Variants in DOCK5 observed in about 807,000 individuals in gnomAD.
DOCK5 encodes dedicator of cytokinesis 5.
DOCK5 carries 142 observed loss-of-function variants against 251.8 expected under a neutral mutation model. The ratio of observed to expected loss-of-function variants is 0.56; its 90% CI spans 0.49 to 0.65. The LOEUF is 0.65. DOCK5 is among the 30% of genes least tolerant of loss of function. DOCK5 has a pLI of 0.00. For missense variants in DOCK5, 2,111 were observed against 2,312.3 expected (o/e 0.91, Z 1.79); for synonymous variants, 842 against 835.5 (o/e 1.01, Z -0.13).
chr8:25,391,630 T>G (rs1332169969), intron 42 of DOCK5, among the ~76,000 whole-genome samples: 1 of 151,956 alleles, frequency 6.6e-6, no homozygotes, highest in African/African-American at 2.4e-5. Flanking sequence ...AGAGTTAGAC[T>G]CTGACTCAAA....
intron 27 of DOCK5, among the ~76,000 whole-genome samples, chr8:25,354,027 TAA>T (rs1291938160): frequency 1.3e-4 from 1 of 7,756 alleles, no homozygotes; most frequent in African/African-American, 2.0e-4. Context: ...GACTTTGTCT[TAA>T]AAAAAAAAAA....
In DOCK5 at chr8:25,184,768, A is replaced by C. The variant is rs1801384103; in HGVS notation, c.-141A>C. ...CACGGGCGCGGGCGGCGCGGCGAGG[A>C]GGCGGCCCGCGGAGTCCAGCGAAGT... On this transcript the variant is annotated 5_prime_UTR_variant, in exon 1 of 52. Coordinates refer to ENST00000276440, the MANE Select transcript of DOCK5 (RefSeq NM_024940.8). The C allele has an allele frequency of 2.8e-6, 2 of 717,276 alleles. No individual in the cohort carries two copies. The highest frequency in any genetic ancestry group is 9.4e-5 in the Admixed American group (2 of 21,220). The allele number at this position is 717,276 out of a possible 1,614,324, so 44.4% of individuals were successfully genotyped here.
intron 27 of DOCK5, among the ~76,000 whole-genome samples, chr8:25,358,442 A>G (rs1800617164): frequency 6.6e-6 from 1 of 152,164 alleles, no homozygotes; most frequent in Non-Finnish European, 1.5e-5. Context: ...GGGAACTACA[A>G]TTCAAGATGA....
At chr8:25,384,062 G>T (rs944424471) in intron 40 of DOCK5, among the ~76,000 whole-genome samples, 2 of 152,214 alleles carry the variant, frequency 1.3e-5, no homozygotes, top group African/African-American at 2.4e-5. Context: ...ACAAACTTCA[G>T]TGTATCCACA....
chr8:25,300,254 T>C (rs951658179), intron 8 of DOCK5, among the ~76,000 whole-genome samples: 3 of 152,248 alleles, frequency 2.0e-5, no homozygotes, highest in African/African-American at 7.2e-5. Context: ...ATTCAAAGAT[T>C]TTGAGATGGA....
In DOCK5 at chr8:25,220,398, A is replaced by G. The variant is rs182524057; in HGVS notation, c.44-23276A>G. On this transcript the variant is annotated intron_variant, in intron 1 of 51. Transcript: ENST00000276440. Reference sequence around the variant, plus strand: ...TGTTCTCTTTCTCTCTAAGACTTTCAAATGCCTTTATCTGTAGAAATTTCT... The same window carrying G: ...TGTTCTCTTTCTCTCTAAGACTTTCGAATGCCTTTATCTGTAGAAATTTCT... Among the ~76,000 whole-genome samples the G allele has an allele frequency of 2.6e-3, 402 of 152,212 alleles. 2 individuals are homozygous for G. Among genetic ancestry groups the G allele is most frequent in the Non-Finnish European group, 3.1e-3 (213 of 68,020 alleles).
intron 16 of DOCK5, among the ~76,000 whole-genome samples, chr8:25,322,576 CA>C (rs1402668458): frequency 1.3e-5 from 2 of 152,120 alleles, no homozygotes; most frequent in Non-Finnish European, 2.9e-5. Context: ...TAACAATTGT[CA>C]ATTAACAATT....
At chr8:25,366,806 T>C in intron 30 of DOCK5, 64 bp from the exon 31 acceptor site, 1 of 1,269,234 alleles carries the variant, frequency 7.9e-7, no homozygotes, top group African/African-American at 1.5e-5. Context: ...TGACATTGTT[T>C]TATTATGGCC....
chr8:25,375,059 T>G, intron 37 of DOCK5: 1 of 924,922 alleles, frequency 1.1e-6, no homozygotes, highest in South Asian at 2.3e-5. Context: ...GGTTTAGATA[T>G]AAATACATCT....
rs115206578 is a variant in DOCK5 at position 25,386,194 on chromosome 8, A to C, written c.4132-2897A>C. Among the ~76,000 whole-genome samples, 639 of 152,346 alleles carry C rather than the reference A, an allele frequency of 4.2e-3. 4 individuals are homozygous for C. The highest frequency in any genetic ancestry group is 0.015 in the African/African-American group (626 of 41,582). ...ATAGATCTGGAACTCAAGTGAAGTT[A>C]CAGACAGGAGAGAAAAGTTGGTGAG... On this transcript the variant is annotated intron_variant, in intron 40 of 51. Transcript: ENST00000276440.
intron 41 of DOCK5, among the ~76,000 whole-genome samples, chr8:25,389,493 G>T (rs113176786): frequency 7.9e-5 from 12 of 152,166 alleles, no homozygotes; most frequent in African/African-American, 2.9e-4. Context: ...GAGCTTAAGT[G>T]GAATATATAC....
In DOCK5 at chr8:25,410,213, C is replaced by A; in HGVS notation, c.5508+11C>A. 1 of 1,610,788 alleles carries A rather than the reference C, an allele frequency of 6.2e-7. No homozygotes were observed. ...AGGAACTCCACTGAGGTAGGGAAAT[C>A]ACAGCTGGCAACTGTGGCCAGGGAG... On this transcript the variant is annotated intron_variant, in intron 51 of 51. Coordinates refer to ENST00000276440, the MANE Select transcript of DOCK5 (RefSeq NM_024940.8).
intron 28 of DOCK5, among the ~76,000 whole-genome samples, chr8:25,362,551 C>G (rs1800705861): frequency 7.0e-6 from 1 of 143,718 alleles, no homozygotes; most frequent in South Asian, 2.2e-4. Flanking sequence ...ACTGCAACCT[C>G]TGCCTCCTGG....
chr8:25,328,063 C>T (rs1805604142), intron 18 of DOCK5, among the ~76,000 whole-genome samples: 1 of 151,648 alleles, frequency 6.6e-6, no homozygotes, highest in African/African-American at 2.4e-5. Flanking sequence ...GCTAGTTGCC[C>T]TAGTCGCATT....
chr8:25,191,776 A>G (rs1801587194), intron 1 of DOCK5, among the ~76,000 whole-genome samples: 1 of 151,228 alleles, frequency 6.6e-6, no homozygotes, highest in Admixed American at 6.6e-5. Flanking sequence ...AATTATATAT[A>G]TATATTTATT....
intron 13 of DOCK5, among the ~76,000 whole-genome samples, chr8:25,313,145 A>G (rs1262771705): frequency 6.6e-6 from 1 of 152,134 alleles, no homozygotes; most frequent in Non-Finnish European, 1.5e-5. Flanking sequence ...CTGTTGTCCC[A>G]TCACCACGTG....
rs1804894961 is a variant in DOCK5 at position 25,305,523 on chromosome 8, AC to A, written c.1049+1199del. ...AAAAGAAAAATTGATAGGTTTAACC[AC>A]CCAAAAACTGTAAAGAACTTAATAC... On this transcript the variant is annotated intron_variant, in intron 11 of 51. Coordinates refer to ENST00000276440, the MANE Select transcript of DOCK5 (RefSeq NM_024940.8). 2.0e-5 allele frequency among the ~76,000 whole-genome samples: 3 copies of A among 152,302 alleles called. No homozygotes were observed. The South Asian group carries it at 6.2e-4, about 32-fold the overall frequency.
intron 25 of DOCK5, among the ~76,000 whole-genome samples, chr8:25,344,879 A>G (rs1479139992): frequency 6.6e-6 from 1 of 152,208 alleles, no homozygotes; most frequent in Non-Finnish European, 1.5e-5. Flanking sequence ...CACGGTTAAC[A>G]GTCATTTCTG....
chr8:25,300,578 A>G lies in DOCK5; in HGVS notation c.767A>G (p.Glu256Gly). The G allele has an allele frequency of 1.9e-6, 3 of 1,612,072 alleles. No homozygotes were observed. The highest frequency in any genetic ancestry group is 2.5e-6 in the Non-Finnish European group (3 of 1,179,014). The change falls in exon 9 of 52, where the codon GAG (glutamate) becomes GGG (glycine). Residue 256 changes from glutamate (E) to glycine (G), a missense_variant and splice_region_variant. Glu to Gly is a moderately conservative substitution (Grantham distance 98). This residue lies in a region of DOCK5 where 335 missense variants were observed against 324.9 expected (regional missense o/e 1.03). Transcript: ENST00000276440. ...GCAATTTTTTTTTCCTTTGCCAGTG[A>G]GAACTATCTAATTCGTTGGGGCAGT... is the stretch of plus-strand genomic sequence containing the variant. ...YDPDQSTFIS[E>G]NYLIRWGSNG...
Sources: allele counts gnomAD v4.1 joint callset (sites outside exome capture counted in the v4.1 genomes callset), GRCh38; gene constraint gnomAD v4.1.1; regional missense constraint gnomAD v4.1.1; transcripts MANE v1.5; gene names NCBI Gene and HGNC (gene_info 2026-07-23, HGNC 2026-07-21).